Variants in SPATS2L observed in about 807,000 individuals in gnomAD.
The protein encoded by SPATS2L is spermatogenesis associated serine rich 2 like, also known as SPATS2-like protein.
In SPATS2L, 30 loss-of-function variants were observed where a neutral mutation model predicts 59.6. The observed-to-expected ratio is 0.50, with a 90% confidence interval of 0.38 to 0.68. SPATS2L has a LOEUF of 0.68. Ranked by LOEUF, SPATS2L falls within the 30% of genes least tolerant of loss-of-function variation. The pLI is 0.00. For synonymous variants in SPATS2L, 252 were observed against 263.5 expected (o/e 0.96, Z 0.42); for missense variants, 615 against 700.0 (o/e 0.88, Z 1.37).
At chr2:200,306,294 TAGG>T (rs756938627), upstream of SPATS2L, 2 of 1,002,318 alleles carry the variant, frequency 2.0e-6, no homozygotes, top group Non-Finnish European at 2.4e-6. Flanking sequence ...TTTTCTCGGG[TAGG>T]AGAAGATGAT....
At chr2:200,389,759 G>T (rs1314028121) in intron 3 of SPATS2L, 1 of 153,056 alleles carries the variant, frequency 6.5e-6, no homozygotes, top group Non-Finnish European at 1.5e-5. Flanking sequence ...GTCACGCTGG[G>T]CAGCCTTTGA....
At chr2:200,413,289 TTATC>T (rs1234621127) in intron 4 of SPATS2L, among the ~76,000 whole-genome samples, 4 of 138,838 alleles carry the variant, frequency 2.9e-5, no homozygotes, top group African/African-American at 9.8e-5. Flanking sequence ...GAATATCAGT[TTATC>T]TTATCTATCT....
Position 200,459,846 on chromosome 2 carries a change from G to A in SPATS2L, c.847+19G>A. The A allele has an allele frequency of 1.3e-6, 2 of 1,582,812 alleles. No homozygotes were observed. Among genetic ancestry groups the A allele is most frequent in the South Asian group, 2.3e-5 (2 of 88,564 alleles). On this transcript the variant is annotated intron_variant, in intron 9 of 12. Transcript: ENST00000409140. ...GAAGCCAGTAAGTAGACAACACATGGTTATTTGATTAGGAGCTTCCCAATC... is the reference window on the plus strand; with the variant it reads ...GAAGCCAGTAAGTAGACAACACATGATTATTTGATTAGGAGCTTCCCAATC...
At chr2:200,426,292 G>A (rs1268147167) in intron 6 of SPATS2L, among the ~76,000 whole-genome samples, 1 of 151,870 alleles carries the variant, frequency 6.6e-6, no homozygotes, top group South Asian at 2.1e-4. Context: ...GGGTTTCACT[G>A]TGTTAGCCAG....
chr2:200,475,944 C>G (rs1441664401), intron 12 of SPATS2L, among the ~76,000 whole-genome samples: 3 of 152,076 alleles, frequency 2.0e-5, no homozygotes, highest in Non-Finnish European at 4.4e-5. Flanking sequence ...GTAGATAGAC[C>G]TTGGGCAAGT....
intron 2 of SPATS2L, among the ~76,000 whole-genome samples, chr2:200,376,610 A>G (rs537139938): frequency 3.0e-4 from 46 of 152,260 alleles, no homozygotes; most frequent in Non-Finnish European, 5.1e-4. Context: ...TCACGAAAGC[A>G]CTGAGCACAT....
intron 9 of SPATS2L, among the ~76,000 whole-genome samples, 199 bp downstream of exon 9, chr2:200,460,026 T>C (rs2086124421): frequency 6.6e-6 from 1 of 152,230 alleles, no homozygotes; most frequent in African/African-American, 2.4e-5. Flanking sequence ...AAGATACAGT[T>C]GTAACACTCA....
chr2:200,470,142 G>A (rs889728477), intron 11 of SPATS2L, 126 bp downstream of exon 11: 4 of 675,198 alleles, frequency 5.9e-6, no homozygotes, highest in Non-Finnish European at 1.0e-5. Flanking sequence ...GAGATTTAAT[G>A]ATCTAAGCTC....
At chr2:200,366,534 A>G (rs999831337) in intron 2 of SPATS2L, among the ~76,000 whole-genome samples, 1 of 152,374 alleles carries the variant, frequency 6.6e-6, no homozygotes, top group African/African-American at 2.4e-5. Flanking sequence ...AAACAGCAGT[A>G]TCAAATAAGA....
At chr2:200,434,883 A>G (rs953092548) in intron 6 of SPATS2L, among the ~76,000 whole-genome samples, 10 of 152,180 alleles carry the variant, frequency 6.6e-5, no homozygotes, top group African/African-American at 1.4e-4. Context: ...GACCTAAGAT[A>G]GTCAAAACAA....
intron 8 of SPATS2L, among the ~76,000 whole-genome samples, chr2:200,444,782 T>G (rs2084923889): frequency 6.6e-6 from 1 of 152,144 alleles, no homozygotes; most frequent in East Asian, 1.9e-4. Context: ...AGTTTCCTCC[T>G]TCCCAACAGA....
intron 3 of SPATS2L, chr2:200,390,033 A>G (rs537751578): frequency 1.3e-5 from 2 of 152,398 alleles, no homozygotes; most frequent in South Asian, 4.1e-4. Flanking sequence ...TAGTGGTTGT[A>G]TAGGCAAGTG....
At chr2:200,468,335 C>T (rs1277708352) in intron 10 of SPATS2L, among the ~76,000 whole-genome samples, 2 of 148,348 alleles carry the variant, frequency 1.3e-5, no homozygotes, top group African/African-American at 2.5e-5. Flanking sequence ...TCCACTTTTT[C>T]ACCCAGTATA....
intron 2 of SPATS2L, among the ~76,000 whole-genome samples, chr2:200,385,498 G>A (rs2081961193): frequency 6.6e-6 from 1 of 152,122 alleles, no homozygotes; most frequent in Non-Finnish European, 1.5e-5. Context: ...GCTCAGGAAA[G>A]GTAATGAGTA....
At chr2:200,331,995 A>AT (rs1424440633) in intron 2 of SPATS2L, among the ~76,000 whole-genome samples, 3 of 152,212 alleles carry the variant, frequency 2.0e-5, no homozygotes, top group Non-Finnish European at 4.4e-5. Context: ...CAGAAATAAC[A>AT]TTTTTTGGCT....
At chr2:200,444,755 A>G (rs372532585) in intron 8 of SPATS2L, among the ~76,000 whole-genome samples, 1 of 151,840 alleles carries the variant, frequency 6.6e-6, no homozygotes, top group African/African-American at 2.4e-5. Context: ...TCCTCTGCCA[A>G]TTTTCCTGCG....
At chr2:200,471,897 T>C (rs1382496706) in intron 11 of SPATS2L, among the ~76,000 whole-genome samples, 1 of 152,254 alleles carries the variant, frequency 6.6e-6, no homozygotes, top group East Asian at 1.9e-4. Context: ...GTGACAGTTT[T>C]AAGCCTCAAA....
At chr2:200,372,573 C>A (rs1489496012) in intron 2 of SPATS2L, among the ~76,000 whole-genome samples, 1 of 152,144 alleles carries the variant, frequency 6.6e-6, no homozygotes, top group Non-Finnish European at 1.5e-5. Context: ...GCCAAGCCAG[C>A]TTTACATCTA....
At chr2:200,462,051 C>T (rs17447765) in intron 9 of SPATS2L, among the ~76,000 whole-genome samples, 5,147 of 152,304 alleles carry the variant, frequency 0.034, 141 homozygotes, top group Admixed American at 0.067. Context: ...TTGACATCTT[C>T]AGTAACAGTA....
Sources: gnomAD v4.1 joint callset for allele counts (sites outside exome capture counted in the v4.1 genomes callset) on GRCh38, gnomAD v4.1.1 for gene constraint, MANE v1.5 for transcripts, NCBI Gene and HGNC (gene_info 2026-07-23, HGNC 2026-07-21) for gene names.